The following TSHZ2 variants were observed in gnomAD, a reference collection of about 807,000 sequenced individuals.
TSHZ2 encodes the protein teashirt homolog 2.
TSHZ2 carries 21 observed loss-of-function variants against 74.4 expected under a neutral mutation model. That is an observed-to-expected ratio of 0.28 (90% CI 0.20 to 0.41). TSHZ2 has a LOEUF of 0.41. Among genes scored for constraint, TSHZ2 ranks in the 10% least tolerant of loss-of-function variants. The pLI is 1.00. For synonymous variants in TSHZ2, 540 were observed against 515.3 expected (o/e 1.05, Z -0.65); for missense variants, 1,244 against 1,293.5 (o/e 0.96, Z 0.59).
intron 1 of TSHZ2, among the ~76,000 whole-genome samples, chr20:52,999,222 T>C (rs1190067328): frequency 6.6e-6 from 1 of 152,202 alleles, no homozygotes; most frequent in Non-Finnish European, 1.5e-5. Context: ...ATTCACCTCC[T>C]TAACACAGAT....
Position 53,111,938 on chromosome 20 carries a change from A to G in TSHZ2, c.40+138605A>G, listed in dbSNP as rs534528414. 3.3e-5 allele frequency among the ~76,000 whole-genome samples: 5 copies of G among 152,006 alleles called. No homozygotes were observed. In the South Asian group the frequency reaches 8.4e-4, roughly 25 times the overall value. On this transcript the variant is annotated intron_variant, in intron 1 of 2. Coordinates refer to ENST00000371497, the MANE Select transcript of TSHZ2 (RefSeq NM_173485.6). Reference sequence around the variant, plus strand: ...GGATGGGCAAGAGGCCCCACCTACCATGCCTTGGTGCTGCCACCGCCTTGC... The same window carrying G: ...GGATGGGCAAGAGGCCCCACCTACCGTGCCTTGGTGCTGCCACCGCCTTGC...
chr20:53,148,333 G>C (rs1280940429), intron 1 of TSHZ2, among the ~76,000 whole-genome samples: 1 of 152,196 alleles, frequency 6.6e-6, no homozygotes, highest in Admixed American at 6.5e-5. Context: ...GAAGCTGTTA[G>C]CATCTAGCGT....
intron 2 of TSHZ2, among the ~76,000 whole-genome samples, chr20:53,449,435 G>A (rs1984685237): frequency 6.6e-6 from 1 of 152,236 alleles, no homozygotes; most frequent in Non-Finnish European, 1.5e-5. Context: ...CACCCACTAT[G>A]TGTCAGGCAC....
At chr20:53,412,349 C>A (rs1983083544) in intron 2 of TSHZ2, among the ~76,000 whole-genome samples, 1 of 152,246 alleles carries the variant, frequency 6.6e-6, no homozygotes, top group Non-Finnish European at 1.5e-5. Context: ...GCTACTGGTT[C>A]CCAGCCTGTG....
intron 2 of TSHZ2, among the ~76,000 whole-genome samples, chr20:53,458,467 T>C (rs573412255): frequency 6.6e-6 from 1 of 152,178 alleles, no homozygotes; most frequent in African/African-American, 2.4e-5. Context: ...TTTATTAGTC[T>C]TGCTAGCAGT....
At chr20:53,263,085 A>T (rs1204095466) in intron 2 of TSHZ2, among the ~76,000 whole-genome samples, 1 of 152,228 alleles carries the variant, frequency 6.6e-6, no homozygotes, top group African/African-American at 2.4e-5. Flanking sequence ...GGAGGCATAG[A>T]ATATATTTAG....
chr20:53,248,789 C>T (rs1374752947), intron 1 of TSHZ2, among the ~76,000 whole-genome samples: 1 of 152,140 alleles, frequency 6.6e-6, no homozygotes, highest in East Asian at 1.9e-4. Flanking sequence ...AAGTTGGTAG[C>T]TGGGTTGTTC....
At chr20:53,033,573 A>T (rs1983714543) in intron 1 of TSHZ2, among the ~76,000 whole-genome samples, 2 of 151,628 alleles carry the variant, frequency 1.3e-5, no homozygotes, top group Admixed American at 1.3e-4. Context: ...AGTGGCTGGC[A>T]CATAGAAGGT....
At chr20:53,092,339 C>T (rs544000508) in intron 1 of TSHZ2, among the ~76,000 whole-genome samples, 1 of 152,208 alleles carries the variant, frequency 6.6e-6, no homozygotes, top group South Asian at 2.1e-4. Flanking sequence ...AATTCAATGC[C>T]AGGATTCATT....
intron 2 of TSHZ2, among the ~76,000 whole-genome samples, chr20:53,417,241 GACACACACACACACACAC>G (rs56822266): frequency 7.2e-6 from 1 of 138,048 alleles, no homozygotes; most frequent in African/African-American, 2.7e-5. Flanking sequence ...GACACACACA[GACACACACACACACACAC>G]ACACACACAC....
intron 2 of TSHZ2, among the ~76,000 whole-genome samples, chr20:53,301,190 T>G (rs1991470905): frequency 6.6e-6 from 1 of 151,970 alleles, no homozygotes; most frequent in Admixed American, 6.6e-5. Context: ...ACTCCTGACC[T>G]CAAGTGATCC....
intron 1 of TSHZ2, among the ~76,000 whole-genome samples, chr20:53,155,603 A>T (rs1367855487): frequency 6.6e-6 from 1 of 151,988 alleles, no homozygotes; most frequent in Non-Finnish European, 1.5e-5. Flanking sequence ...AGATCACTGA[A>T]GATTGAGGGA....
chr20:53,192,988 G>A (rs956080372), intron 1 of TSHZ2, among the ~76,000 whole-genome samples: 2 of 152,034 alleles, frequency 1.3e-5, no homozygotes, highest in African/African-American at 2.4e-5. Context: ...TGGGCAGAGC[G>A]GCTGTGCCAG....
In TSHZ2 at chr20:53,364,002, C is replaced by T. The variant is rs569166014; in HGVS notation, c.*8+107431C>T. On this transcript the variant is annotated intron_variant, in intron 2 of 2. Transcript: ENST00000371497. ...TGGGAGAGACTGATAATAATAAAAACATATGGATGGTGTTAAATAGTAATA... is the reference window on the plus strand; with the variant it reads ...TGGGAGAGACTGATAATAATAAAAATATATGGATGGTGTTAAATAGTAATA... Among the ~76,000 whole-genome samples the T allele has an allele frequency of 2.2e-4, 34 of 152,168 alleles. No homozygotes were observed. In the South Asian group the frequency reaches 4.4e-3, roughly 19 times the overall value.
intron 1 of TSHZ2, among the ~76,000 whole-genome samples, chr20:53,004,621 T>C (rs1982572201): frequency 6.6e-6 from 1 of 152,198 alleles, no homozygotes; most frequent in African/African-American, 2.4e-5. Flanking sequence ...AGCCACACCA[T>C]CCTGCTGCTT....
At chr20:53,046,645 C>A (rs887065148) in intron 1 of TSHZ2, among the ~76,000 whole-genome samples, 2 of 150,932 alleles carry the variant, frequency 1.3e-5, no homozygotes, top group Non-Finnish European at 3.0e-5. Context: ...TTAAAAAAAA[C>A]AAAACAAAAC....
intron 2 of TSHZ2, among the ~76,000 whole-genome samples, chr20:53,326,795 A>G (rs1184896289): frequency 6.6e-6 from 1 of 152,266 alleles, no homozygotes; most frequent in Admixed American, 6.5e-5. Flanking sequence ...CCAGGAGCCT[A>G]TATCAGCAAA....
rs566134520 is a variant in TSHZ2 at position 53,394,676 on chromosome 20, A to G, written c.*9-92468A>G. ...GCCTTAATCTCCTTTTCCTGGCCTT[A>G]TTTATATAGCAATGACAAACACACA... On this transcript the variant is annotated intron_variant, in intron 2 of 2. Transcript: ENST00000371497. Among the ~76,000 whole-genome samples, 107 of 149,392 alleles carry G rather than the reference A, an allele frequency of 7.2e-4. 1 individual carries two copies. The highest frequency in any genetic ancestry group is 7.9e-4 in the East Asian group (4 of 5,058).
intron 1 of TSHZ2, among the ~76,000 whole-genome samples, chr20:53,181,270 A>G (rs1988460968): frequency 6.6e-6 from 1 of 152,192 alleles, no homozygotes; most frequent in Admixed American, 6.5e-5. Flanking sequence ...TTTCCCCAAC[A>G]AGACAATAGA....
Sources: allele counts gnomAD v4.1 joint callset (sites outside exome capture counted in the v4.1 genomes callset), GRCh38; gene constraint gnomAD v4.1.1; transcripts MANE v1.5; gene names NCBI Gene and HGNC (gene_info 2026-07-23, HGNC 2026-07-21).